Variants in TMCC1 observed in about 807,000 individuals in gnomAD.
The protein encoded by TMCC1 is transmembrane and coiled-coil domains protein 1.
In TMCC1, 15 loss-of-function variants were observed where a neutral mutation model predicts 52.4. That is an observed-to-expected ratio of 0.29 (90% CI 0.19 to 0.44). The LOEUF (loss-of-function observed/expected upper bound fraction) is 0.44, where lower values mean the gene tolerates loss of function less well. TMCC1 is among the 20% of genes least tolerant of loss of function. TMCC1 has a pLI of 1.00. For missense variants in TMCC1, 503 were observed against 806.0 expected (o/e 0.62, Z 4.55); for synonymous variants, 279 against 301.9 (o/e 0.92, Z 0.79).
intron 4 of TMCC1, among the ~76,000 whole-genome samples, chr3:129,701,616 A>G (rs547205703): frequency 4.6e-5 from 7 of 152,364 alleles, no homozygotes; most frequent in African/African-American, 1.7e-4. Context: ...AAGGAGGGCA[A>G]GAGAGGCTTT....
rs2058745929 is a variant in TMCC1, at chr3:129,828,277, C to T, written c.102G>A (p.Leu34=). Residue 34 remains leucine, a synonymous_variant, in exon 4 of 7, where the codon TTG becomes TTA. Transcript: ENST00000393238. This position sits in a 1 kb window ranked among gnomAD's most constrained non-coding sequence, Gnocchi z 4.1. ...ARKQTESEQK[L]SKMTHNALEN... is the part of the protein sequence containing the mutation. The stretch of plus-strand genomic sequence containing the variant: ...CCAAAGCATTGTGGGTCATTTTAGA[C>T]AATTTTTGTTCTGATTCTGTCTGCT... 1.2e-6 allele frequency: 2 copies of T among 1,614,116 alleles called. No individual in the cohort carries two copies. Among genetic ancestry groups the T allele is most frequent in the African/African-American group, 1.3e-5 (1 of 75,038 alleles).
chr3:129,683,777 A>C lies in TMCC1; in HGVS notation c.577-12513T>G, dbSNP rs2089196902. On this transcript the variant is annotated intron_variant, in intron 4 of 6. Transcript: ENST00000393238. ...CCTTTTGGAGTCCCCAGTGTCTATT[A>C]CTGCCCTGAATAAAAATTATTTTAA... is the stretch of plus-strand genomic sequence containing the variant. Among the ~76,000 whole-genome samples, 7 of 152,234 alleles carry C rather than the reference A, an allele frequency of 4.6e-5. No homozygotes were observed. The South Asian group carries it at 1.4e-3, about 32-fold the overall frequency.
At chr3:129,659,960 C>T (rs1005880959) in intron 5 of TMCC1, among the ~76,000 whole-genome samples, 19 of 152,198 alleles carry the variant, frequency 1.2e-4, no homozygotes, top group African/African-American at 4.6e-4. Flanking sequence ...ATACCTGGCA[C>T]ACAAGAGGTG....
intron 4 of TMCC1, among the ~76,000 whole-genome samples, chr3:129,805,612 C>A (rs1173178686): frequency 6.6e-6 from 1 of 152,106 alleles, no homozygotes; most frequent in Non-Finnish European, 1.5e-5. Context: ...AGACTAGAAT[C>A]CGTTTGTTTC....
Position 129,817,302 on chromosome 3 carries a change from G to A in TMCC1, c.576+10501C>T, listed in dbSNP as rs773979580. On this transcript the variant is annotated intron_variant, in intron 4 of 6. Coordinates refer to ENST00000393238, the MANE Select transcript of TMCC1 (RefSeq NM_001017395.5). ...TCTTTGTTTTTCACCCATAAGAGTC[G>A]GCCGGGTGTGGTGGCCCATGTCTCT... 1.4e-4 allele frequency among the ~76,000 whole-genome samples: 21 copies of A among 152,010 alleles called. No homozygotes were observed. The East Asian group carries it at 2.1e-3, about 15-fold the overall frequency.
chr3:129,831,399 C>T (rs899914086), intron 3 of TMCC1, among the ~76,000 whole-genome samples: 1 of 152,088 alleles, frequency 6.6e-6, no homozygotes, highest in African/African-American at 2.4e-5. Flanking sequence ...TTTTCAAAGG[C>T]AAAACTTACC....
intron 4 of TMCC1, among the ~76,000 whole-genome samples, chr3:129,707,294 A>C (rs995483575): frequency 1.3e-5 from 2 of 152,246 alleles, no homozygotes; most frequent in African/African-American, 4.8e-5. Context: ...CTTATATTAA[A>C]AAGTGGAGAT....
chr3:129,738,645 T>C (rs1198841647), intron 4 of TMCC1, among the ~76,000 whole-genome samples: 1 of 152,208 alleles, frequency 6.6e-6, no homozygotes, highest in Admixed American at 6.5e-5. Flanking sequence ...CTACTGCAAG[T>C]GAACACTTTT....
intron 4 of TMCC1, among the ~76,000 whole-genome samples, chr3:129,726,751 C>A (rs2050117446): frequency 6.6e-6 from 1 of 150,626 alleles, no homozygotes; most frequent in African/African-American, 2.4e-5. Context: ...AGGTGGCGCA[C>A]ACCTGTAATC....
chr3:129,821,920 G>A (rs577482499), intron 4 of TMCC1, among the ~76,000 whole-genome samples: 46 of 152,024 alleles, frequency 3.0e-4, no homozygotes, highest in African/African-American at 1.1e-3. Flanking sequence ...AAAATTAGCC[G>A]GGTGCAGTGG....
At chr3:129,754,738 C>T (rs1226251117) in intron 4 of TMCC1, among the ~76,000 whole-genome samples, 1 of 151,976 alleles carries the variant, frequency 6.6e-6, no homozygotes, top group Non-Finnish European at 1.5e-5. Flanking sequence ...TTAAAATAGC[C>T]CATAAGCCTA....
At chr3:129,739,315 G>A (rs2051252422) in intron 4 of TMCC1, among the ~76,000 whole-genome samples, 1 of 152,046 alleles carries the variant, frequency 6.6e-6, no homozygotes, top group Non-Finnish European at 1.5e-5. Context: ...TTACAGGCAT[G>A]CACCAACACA....
chr3:129,841,861 C>T (rs1283586351), intron 2 of TMCC1, among the ~76,000 whole-genome samples: 1 of 152,180 alleles, frequency 6.6e-6, no homozygotes, highest in Non-Finnish European at 1.5e-5. Flanking sequence ...ACTTACTTTC[C>T]CTTCTGCCAT....
intron 4 of TMCC1, among the ~76,000 whole-genome samples, chr3:129,728,180 C>T (rs925359844): frequency 6.6e-6 from 1 of 152,110 alleles, no homozygotes; most frequent in Admixed American, 6.6e-5. Flanking sequence ...ACAGGTTTAA[C>T]CTAAAGCAAA....
intron 2 of TMCC1, among the ~76,000 whole-genome samples, chr3:129,850,110 A>G (rs2059850076): frequency 6.6e-6 from 1 of 152,174 alleles, no homozygotes; most frequent in South Asian, 2.1e-4. Context: ...AAAATGTGGA[A>G]GGATACTACC....
intron 4 of TMCC1, among the ~76,000 whole-genome samples, chr3:129,783,874 A>G (rs1196584941): frequency 1.3e-5 from 2 of 152,252 alleles, no homozygotes; most frequent in Non-Finnish European, 2.9e-5. Context: ...TTCAAGAAGT[A>G]GGCTGATAAT....
intron 2 of TMCC1, among the ~76,000 whole-genome samples, chr3:129,876,935 C>A (rs1262424598): frequency 6.6e-6 from 1 of 151,954 alleles, no homozygotes; most frequent in Non-Finnish European, 1.5e-5. Context: ...CCAGCCTGGA[C>A]AACAGAGCGA....
chr3:129,742,996 T>C (rs962148712), intron 4 of TMCC1, among the ~76,000 whole-genome samples: 1 of 152,088 alleles, frequency 6.6e-6, no homozygotes, highest in Non-Finnish European at 1.5e-5. Context: ...TCTATAGGGA[T>C]AGAAAATAGA....
chr3:129,785,770 C>T (rs948527980), intron 4 of TMCC1, among the ~76,000 whole-genome samples: 1 of 152,180 alleles, frequency 6.6e-6, no homozygotes, highest in African/African-American at 2.4e-5. Flanking sequence ...ACATATATTA[C>T]TTAGAAGAGA....
Sources: allele counts gnomAD v4.1 joint callset (sites outside exome capture counted in the v4.1 genomes callset), GRCh38; gene constraint gnomAD v4.1.1; non-coding constraint Gnocchi (gnomAD v3.1); transcripts MANE v1.5; gene names NCBI Gene and HGNC (gene_info 2026-07-23, HGNC 2026-07-21).